Variants in ZFAT observed in about 807,000 individuals in gnomAD.
The protein encoded by ZFAT is zinc finger protein ZFAT.
ZFAT carries 64 observed loss-of-function variants against 117.7 expected under a neutral mutation model. The ratio of observed to expected loss-of-function variants is 0.54; its 90% CI spans 0.44 to 0.67. ZFAT has a LOEUF of 0.67. ZFAT is among the 30% of genes least tolerant of loss of function. ZFAT has a pLI of 0.00. For synonymous variants in ZFAT, 679 were observed against 615.0 expected (o/e 1.10, Z -1.54); for missense variants, 1,433 against 1,584.5 (o/e 0.90, Z 1.62).
the ZFAT span, among the ~76,000 whole-genome samples, chr8:134,780,988 T>C: frequency 1.3e-5 from 2 of 152,244 alleles, no homozygotes; most frequent in African/African-American, 2.4e-5. Context: ...ATATGACTAA[T>C]TGGCATAGTA....
chr8:134,589,416 G>C (rs1417462934), intron 8 of ZFAT, among the ~76,000 whole-genome samples: 1 of 152,148 alleles, frequency 6.6e-6, no homozygotes. Context: ...CTTATACCAA[G>C]AGCAAATACA....
chr8:134,783,462 G>A, the ZFAT span, among the ~76,000 whole-genome samples: 116 of 152,144 alleles, frequency 7.6e-4, no homozygotes, highest in African/African-American at 2.4e-3. Context: ...GTTTCATCCC[G>A]ACACCTCCCC....
At chr8:134,714,280 G>A (rs1814162662), upstream of ZFAT, among the ~76,000 whole-genome samples, 1 of 152,066 alleles carries the variant, frequency 6.6e-6, no homozygotes, top group Non-Finnish European at 1.5e-5. Context: ...CAGCCCTGAA[G>A]TTCACACTTC....
intron 10 of ZFAT, 172 bp from the exon 11 acceptor site, chr8:134,565,593 T>TC: frequency 1.4e-6 from 1 of 729,554 alleles, no homozygotes; most frequent in Non-Finnish European, 2.4e-6. Flanking sequence ...TGCTCAGTCT[T>TC]CAACAGGTGG....
intron 15 of ZFAT, among the ~76,000 whole-genome samples, chr8:134,484,990 A>G (rs554115117): frequency 2.5e-4 from 38 of 152,278 alleles, no homozygotes; most frequent in African/African-American, 8.4e-4. Flanking sequence ...TGATGGAGAC[A>G]TCATCATCAG....
rs576916572 is a variant in ZFAT, at chr8:134,690,605, G to A, written c.19+22240C>T. 2.6e-4 allele frequency among the ~76,000 whole-genome samples: 40 copies of A among 152,282 alleles called. No homozygotes were observed. In the South Asian group the frequency reaches 6.4e-3, roughly 24 times the overall value. On this transcript the variant is annotated intron_variant, in intron 1 of 15. Coordinates refer to ENST00000377838, the MANE Select transcript of ZFAT (RefSeq NM_020863.4). ...ATGAACTTCCCCCTAGTATTTACAT[G>A]TGTCTAGGGTCTTTCCAAATTCCAG...
intron 3 of ZFAT, among the ~76,000 whole-genome samples, chr8:134,631,061 G>A (rs764457862): frequency 2.6e-5 from 4 of 152,214 alleles, no homozygotes; most frequent in Non-Finnish European, 5.9e-5. Context: ...TTCAACCGTG[G>A]CTGGAAAGGA....
upstream of ZFAT, among the ~76,000 whole-genome samples, chr8:134,717,000 A>C (rs1190622072): frequency 2.0e-5 from 3 of 152,204 alleles, no homozygotes; most frequent in African/African-American, 7.2e-5. Context: ...AAAACCAGGA[A>C]GGGCAGGTCA....
the ZFAT span, among the ~76,000 whole-genome samples, chr8:134,755,347 A>G: frequency 2.9e-5 from 4 of 139,138 alleles, no homozygotes; most frequent in Non-Finnish European, 3.0e-5. Flanking sequence ...TGGGAGGTGG[A>G]GGTTGCAGTG....
At chr8:134,652,262 G>C (rs1831291055) in intron 2 of ZFAT, among the ~76,000 whole-genome samples, 1 of 152,196 alleles carries the variant, frequency 6.6e-6, no homozygotes, top group Non-Finnish European at 1.5e-5. Flanking sequence ...GCGAGACTCT[G>C]TCTCAAAATA....
chr8:134,756,065 C>CA, the ZFAT span, among the ~76,000 whole-genome samples: 1 of 150,932 alleles, frequency 6.6e-6, no homozygotes, highest in East Asian at 2.0e-4. Context: ...CAAGTTTCCT[C>CA]CTTCCTGTAG....
chr8:134,592,007 G>A (rs1826541805), intron 7 of ZFAT, among the ~76,000 whole-genome samples: 1 of 142,934 alleles, frequency 7.0e-6, no homozygotes, highest in African/African-American at 2.5e-5. Flanking sequence ...GGAGGACTCT[G>A]CGCAGATAGG....
At chr8:134,508,165 T>A (rs1819550253) in intron 15 of ZFAT, among the ~76,000 whole-genome samples, 1 of 152,222 alleles carries the variant, frequency 6.6e-6, no homozygotes, top group African/African-American at 2.4e-5. Flanking sequence ...ATATGCTAAG[T>A]CTTGTCCGTA....
chr8:134,739,652 G>A, the ZFAT span, among the ~76,000 whole-genome samples: 2 of 152,204 alleles, frequency 1.3e-5, no homozygotes, highest in African/African-American at 2.4e-5. Flanking sequence ...GGAGCTCCCA[G>A]TCTAGGTCCT....
Position 134,583,833 on chromosome 8 carries a change from A to T in ZFAT, c.2886T>A (p.Asp962Glu). 1 of 1,613,584 alleles carries T rather than the reference A, an allele frequency of 6.2e-7. No homozygotes were observed. The highest frequency in any genetic ancestry group is 8.5e-7 in the Non-Finnish European group (1 of 1,179,784). Residue 962 changes from aspartate to glutamate, a missense_variant and splice_region_variant, in exon 10 of 16, where the codon GAT (aspartate) becomes GAA (glutamate). Physicochemically the swap from Asp to Glu is conservative, Grantham distance 45 (BLOSUM62 2). Coordinates refer to ENST00000377838, the MANE Select transcript of ZFAT (RefSeq NM_020863.4). ...LKSHKLLHTA[D>E]GKQFKCTVCD... is the part of the protein sequence containing the mutation. ...GTTCACCTTGGGCCATTTACTCACC[A>T]TCTGCAGTGTGAAGGAGTTTGTGAC...
intron 7 of ZFAT, among the ~76,000 whole-genome samples, chr8:134,593,114 G>A (rs73365346): frequency 0.18 from 27,017 of 151,894 alleles, 2,764 homozygotes; most frequent in East Asian, 0.44. Context: ...CATCCTGGAG[G>A]AGACCTCCAC....
At chr8:134,772,192 C>T in the ZFAT span, among the ~76,000 whole-genome samples, 9 of 152,192 alleles carry the variant, frequency 5.9e-5, no homozygotes, top group African/African-American at 2.2e-4. Context: ...ATGGAAGAGT[C>T]ACATGTCTCT....
intron 11 of ZFAT, among the ~76,000 whole-genome samples, chr8:134,537,875 G>A (rs1821954385): frequency 6.6e-6 from 1 of 152,156 alleles, no homozygotes; most frequent in African/African-American, 2.4e-5. Flanking sequence ...TGAGAGGGAG[G>A]AGATGGAGCC....
intron 5 of ZFAT, among the ~76,000 whole-genome samples, chr8:134,608,074 C>A (rs968086137): frequency 5.3e-5 from 8 of 152,186 alleles, no homozygotes; most frequent in Non-Finnish European, 1.0e-4. Context: ...TAAAATACAT[C>A]CACATAATAG....
Sources: gnomAD v4.1 joint callset for allele counts (sites outside exome capture counted in the v4.1 genomes callset) on GRCh38, gnomAD v4.1.1 for gene constraint, MANE v1.5 for transcripts, NCBI Gene and HGNC (gene_info 2026-07-23, HGNC 2026-07-21) for gene names.